Variants in S100Z observed in about 807,000 individuals in gnomAD.
The protein encoded by S100Z is protein S100-Z.
S100Z carries 11 observed loss-of-function variants against 8.5 expected under a neutral mutation model. That is an observed-to-expected ratio of 1.30 (90% CI 0.82 to 2.15). The LOEUF (loss-of-function observed/expected upper bound fraction) is 2.15. S100Z is among the 30% of genes most tolerant of loss of function. S100Z has a pLI of 0.00. For synonymous variants in S100Z, 34 were observed against 43.8 expected (o/e 0.78, Z 0.89); for missense variants, 126 against 117.9 (o/e 1.07, Z -0.32).
intron 4 of S100Z, among the ~76,000 whole-genome samples, chr5:76,878,798 C>T (rs1743290716): frequency 6.6e-6 from 1 of 152,136 alleles, no homozygotes; most frequent in Admixed American, 6.5e-5. Context: ...ATCAGACCAG[C>T]AGTTCAGCAC....
intron 2 of S100Z, among the ~76,000 whole-genome samples, chr5:76,874,814 A>C (rs1381075459): frequency 6.6e-6 from 1 of 152,158 alleles, no homozygotes; most frequent in Non-Finnish European, 1.5e-5. Context: ...GAAACAACTC[A>C]GCTGCGAAGT....
At chr5:76,913,912 G>A (rs1477968268) in intron 4 of S100Z, among the ~76,000 whole-genome samples, 2 of 152,182 alleles carry the variant, frequency 1.3e-5, no homozygotes, top group African/African-American at 4.8e-5. Context: ...TTCTGGAGTT[G>A]GGCAACATGG....
chr5:76,896,271 A>G (rs1744034729), intron 4 of S100Z, among the ~76,000 whole-genome samples: 1 of 152,166 alleles, frequency 6.6e-6, no homozygotes, highest in African/African-American at 2.4e-5. Flanking sequence ...TCCCATAAAT[A>G]AGTGAGGACA....
chr5:76,913,435 A>G (rs1744735851), intron 4 of S100Z, among the ~76,000 whole-genome samples: 1 of 152,246 alleles, frequency 6.6e-6, no homozygotes, highest in Admixed American at 6.5e-5. Context: ...CAAACCTGCG[A>G]GCTGTTTGCA....
chr5:76,868,454 G>A (rs749214103), intron 1 of S100Z, among the ~76,000 whole-genome samples: 10 of 152,096 alleles, frequency 6.6e-5, no homozygotes, highest in Non-Finnish European at 1.0e-4. Flanking sequence ...TCTATTAGGA[G>A]TTTTACCTGC....
chr5:76,929,057 T>TGTGCCTGGCTATTTGGTAACTCTAATAC, the S100Z span, among the ~76,000 whole-genome samples: 1 of 152,234 alleles, frequency 6.6e-6, no homozygotes, highest in Non-Finnish European at 1.5e-5. Context: ...TGGCTGTCTC[T>TGTGCCTGGCTATTTGGTAACTCTAATAC]TGAGTTACCT....
At chr5:76,884,693 A>G (rs1027697882) in intron 4 of S100Z, among the ~76,000 whole-genome samples, 2 of 152,162 alleles carry the variant, frequency 1.3e-5, no homozygotes, top group East Asian at 1.9e-4. Context: ...GGGGAGGACT[A>G]GTCACGGAAC....
downstream of S100Z, among the ~76,000 whole-genome samples, chr5:76,924,779 A>G (rs775660894): frequency 2.0e-5 from 3 of 152,080 alleles, no homozygotes; most frequent in Admixed American, 6.6e-5. Context: ...GCATGGTGGC[A>G]GGCACCTGTA....
intron 4 of S100Z, among the ~76,000 whole-genome samples, chr5:76,917,123 CAAAAAAA>C (rs35232494): frequency 1.2e-5 from 1 of 81,320 alleles, no homozygotes; most frequent in African/African-American, 4.8e-5. Flanking sequence ...GAGACTGTCT[CAAAAAAA>C]AAAAAAAAAA....
the S100Z span, among the ~76,000 whole-genome samples, chr5:76,936,643 ACACACACACACACAAC>A: frequency 1.4e-5 from 2 of 143,766 alleles, no homozygotes; most frequent in Non-Finnish European, 3.1e-5. Context: ...ACACACACAC[ACACACACACACACAAC>A]CATGAAGGAA....
intron 4 of S100Z, among the ~76,000 whole-genome samples, chr5:76,888,713 A>G (rs1216846422): frequency 6.6e-6 from 1 of 151,960 alleles, no homozygotes; most frequent in Admixed American, 6.6e-5. Flanking sequence ...ACCGTGTCTG[A>G]CGGAAGTTTT....
chr5:76,934,582 A>T, the S100Z span, among the ~76,000 whole-genome samples: 4 of 152,374 alleles, frequency 2.6e-5, no homozygotes, highest in East Asian at 7.7e-4. Flanking sequence ...CTCCACCCTC[A>T]TAAATGGGAT....
chr5:76,917,875 C>G (rs1375462196), intron 4 of S100Z, among the ~76,000 whole-genome samples: 1 of 150,114 alleles, frequency 6.7e-6, no homozygotes, highest in Admixed American at 6.6e-5. Flanking sequence ...TGGTATTGAA[C>G]CTCAATGCCC....
At chr5:76,869,251 A>G (rs1742908131) in intron 1 of S100Z, among the ~76,000 whole-genome samples, 1 of 152,178 alleles carries the variant, frequency 6.6e-6, no homozygotes, top group Non-Finnish European at 1.5e-5. Flanking sequence ...CAGACAAAAA[A>G]AAACGTGATG....
At chr5:76,938,769 G>T in the S100Z span, among the ~76,000 whole-genome samples, 1 of 152,130 alleles carries the variant, frequency 6.6e-6, no homozygotes, top group Non-Finnish European at 1.5e-5. Context: ...GTGTGAAGTA[G>T]AGATCATGTT....
At chr5:76,875,990 T>C (rs1315989950) in intron 3 of S100Z, among the ~76,000 whole-genome samples, 1 of 152,168 alleles carries the variant, frequency 6.6e-6, no homozygotes, top group East Asian at 1.9e-4. Context: ...TTGGGATTGA[T>C]AGAAGGATGT....
intron 4 of S100Z, among the ~76,000 whole-genome samples, chr5:76,883,101 A>T (rs934698382): frequency 2.0e-5 from 3 of 152,164 alleles, no homozygotes; most frequent in East Asian, 1.9e-4. Context: ...AACAGGCTTT[A>T]ATCCTTTTAA....
At chr5:76,892,789 T>G (rs1743909373) in intron 4 of S100Z, among the ~76,000 whole-genome samples, 1 of 152,202 alleles carries the variant, frequency 6.6e-6, no homozygotes, top group African/African-American at 2.4e-5. Flanking sequence ...TGTGCATTCT[T>G]CTGTAGCTCT....
chr5:76,877,849 C>T lies in S100Z; in HGVS notation c.*2+15C>T. 6.4e-7 allele frequency: 1 copy of T among 1,565,620 alleles called. No homozygotes were observed. Among genetic ancestry groups the T allele is most frequent in the African/African-American group, 1.4e-5 (1 of 74,038 alleles). On this transcript the variant is annotated intron_variant, in intron 4 of 4. Coordinates refer to ENST00000317593, the MANE Select transcript of S100Z (RefSeq NM_130772.4). ...GGAAAATAAAGGTAAGTAATAAGCT[C>T]ATCTAAAGGCAGAAATATATCCAAA...
Sources: allele counts gnomAD v4.1 joint callset (sites outside exome capture counted in the v4.1 genomes callset), GRCh38; gene constraint gnomAD v4.1.1; transcripts MANE v1.5; gene names NCBI Gene and HGNC (gene_info 2026-07-23, HGNC 2026-07-21).